SLC24A3: variants seen among roughly 807,000 people sequenced by gnomAD.
The protein encoded by SLC24A3 is sodium/potassium/calcium exchanger 3.
In SLC24A3, 28 loss-of-function variants were observed where a neutral mutation model predicts 75.8. That is an observed-to-expected ratio of 0.37 (90% CI 0.27 to 0.51). The LOEUF (loss-of-function observed/expected upper bound fraction) is 0.51, where lower values mean the gene tolerates loss of function less well. Ranked by LOEUF, SLC24A3 falls within the 20% of genes least tolerant of loss-of-function variation. The pLI is 0.94. For synonymous variants in SLC24A3, 372 were observed against 334.1 expected (o/e 1.11, Z -1.24); for missense variants, 663 against 847.8 (o/e 0.78, Z 2.71).
intron 4 of SLC24A3, among the ~76,000 whole-genome samples, chr20:19,580,917 C>T (rs767655437): frequency 2.0e-5 from 3 of 152,272 alleles, no homozygotes; most frequent in South Asian, 2.1e-4. Context: ...AGTACCTGAT[C>T]CAGTAGGTCT....
At chr20:19,372,368 A>T (rs1424899351) in intron 2 of SLC24A3, among the ~76,000 whole-genome samples, 2 of 152,224 alleles carry the variant, frequency 1.3e-5, no homozygotes, top group Admixed American at 1.3e-4. Context: ...GAAAGACAGG[A>T]ACATCCACAG....
intron 6 of SLC24A3, among the ~76,000 whole-genome samples, chr20:19,638,766 A>G (rs1253626768): frequency 6.6e-6 from 1 of 152,166 alleles, no homozygotes; most frequent in Non-Finnish European, 1.5e-5. Flanking sequence ...CTTGCTCTCA[A>G]TGACTTCAAG....
chr20:19,649,102 A>G (rs1262533817), intron 6 of SLC24A3, among the ~76,000 whole-genome samples: 1 of 152,222 alleles, frequency 6.6e-6, no homozygotes, highest in Non-Finnish European at 1.5e-5. Flanking sequence ...AGGGCTACAG[A>G]AGGTGACCTG....
At chr20:19,495,664 T>A (rs890628713) in intron 2 of SLC24A3, among the ~76,000 whole-genome samples, 1 of 152,252 alleles carries the variant, frequency 6.6e-6, no homozygotes, top group Non-Finnish European at 1.5e-5. Flanking sequence ...AAGACTTGAC[T>A]CCCTCGGCTG....
rs572976509 is a variant in SLC24A3, at chr20:19,244,573, C to T, written c.142+31589C>T. Reference sequence around the variant, plus strand: ...GAGCATGAAAGGCCTGTTGCTAGAGCGAGGTGAGGTGGGAGAAGGCAGCGG... The same window carrying T: ...GAGCATGAAAGGCCTGTTGCTAGAGTGAGGTGAGGTGGGAGAAGGCAGCGG... On this transcript the variant is annotated intron_variant, in intron 1 of 16. Transcript: ENST00000328041. Among the ~76,000 whole-genome samples, 5 of 152,108 alleles carry T rather than the reference C, an allele frequency of 3.3e-5. No homozygotes were observed. In the East Asian group the frequency reaches 5.8e-4, roughly 18 times the overall value.
At chr20:19,394,360 A>T (rs1986416262) in intron 2 of SLC24A3, among the ~76,000 whole-genome samples, 1 of 152,234 alleles carries the variant, frequency 6.6e-6, no homozygotes, top group African/African-American at 2.4e-5. Context: ...TCTAAATTGG[A>T]CTGCATCCAA....
At chr20:19,663,434 CGCCT>C (rs2122719316) in intron 7 of SLC24A3, among the ~76,000 whole-genome samples, 1 of 19,852 alleles carries the variant, frequency 5.0e-5, no homozygotes, top group Non-Finnish European at 9.2e-5. Context: ...CCTCCTCCTC[CGCCT>C]TCTCATCCTC....
At chr20:19,519,053 G>T (rs867753871) in intron 3 of SLC24A3, among the ~76,000 whole-genome samples, 58 of 152,192 alleles carry the variant, frequency 3.8e-4, no homozygotes, top group Admixed American at 9.2e-4. Flanking sequence ...AGAGGGCCAT[G>T]GGGCTGTCTT....
chr20:19,397,831 G>A (rs1986483745), intron 2 of SLC24A3, among the ~76,000 whole-genome samples: 1 of 151,986 alleles, frequency 6.6e-6, no homozygotes, highest in South Asian at 2.1e-4. Flanking sequence ...GTGAGAGTCT[G>A]AAGGAGGAGG....
chr20:19,622,677 C>G (rs531273346), intron 6 of SLC24A3, among the ~76,000 whole-genome samples: 17 of 152,270 alleles, frequency 1.1e-4, no homozygotes, highest in Non-Finnish European at 1.8e-4. Context: ...CTGGAGCATA[C>G]AGGTGAGTTC....
At position 19,472,114 on chromosome 20, in the gene SLC24A3, A is replaced by T. The variant is rs142660752; in HGVS notation, c.272-43374A>T. On this transcript the variant is annotated intron_variant, in intron 2 of 16. Coordinates refer to ENST00000328041, the MANE Select transcript of SLC24A3 (RefSeq NM_020689.4). ...GGTCCACGGATCCCTGGAAGGATCC[A>T]CTGGGGTGGGAGTTTAGGAACTTGG... Among the ~76,000 whole-genome samples, 705 of 152,348 alleles carry T rather than the reference A, an allele frequency of 4.6e-3. 4 individuals are homozygous for T. Among genetic ancestry groups the T allele is most frequent in the African/African-American group, 0.016 (652 of 41,588 alleles).
At chr20:19,452,376 ATG>A (rs34840970) in intron 2 of SLC24A3, among the ~76,000 whole-genome samples, 11,847 of 112,852 alleles carry the variant, frequency 0.1, 462 homozygotes, top group African/African-American at 0.11. Flanking sequence ...CCTGTGGGGG[ATG>A]TGTGTGTGTG....
At chr20:19,401,137 T>A (rs1193411351) in intron 2 of SLC24A3, among the ~76,000 whole-genome samples, 1 of 152,128 alleles carries the variant, frequency 6.6e-6, no homozygotes, top group Non-Finnish European at 1.5e-5. Context: ...GAGACAATGG[T>A]CCCAATTGCT....
chr20:19,226,629 G>A (rs1981878353), intron 1 of SLC24A3, among the ~76,000 whole-genome samples: 1 of 152,206 alleles, frequency 6.6e-6, no homozygotes, highest in South Asian at 2.1e-4. Flanking sequence ...GGCATTTAGT[G>A]TGGCCGAGGA....
At chr20:19,462,616 C>T (rs1000062566) in intron 2 of SLC24A3, among the ~76,000 whole-genome samples, 1 of 152,222 alleles carries the variant, frequency 6.6e-6, no homozygotes, top group African/African-American at 2.4e-5. Flanking sequence ...CCTCTGGTCA[C>T]GTGCTTGTGC....
chr20:19,420,836 C>T (rs545203913), intron 2 of SLC24A3, among the ~76,000 whole-genome samples: 1 of 49,476 alleles, frequency 2.0e-5, no homozygotes, highest in East Asian at 1.1e-3. Context: ...GTACTGGTAC[C>T]AAAACAGAGA....
chr20:19,427,275 G>A (rs73900110), intron 2 of SLC24A3, among the ~76,000 whole-genome samples: 2,184 of 152,208 alleles, frequency 0.014, 46 homozygotes, highest in African/African-American at 0.05. Context: ...AGCCATGATC[G>A]TGGATGAGAT....
intron 12 of SLC24A3, among the ~76,000 whole-genome samples, chr20:19,687,110 G>A (rs950259228): frequency 5.9e-5 from 9 of 152,194 alleles, no homozygotes; most frequent in African/African-American, 1.9e-4. Context: ...AAGTCCTGCT[G>A]GATTCTGTCT....
At chr20:19,587,799 G>A (rs938177035) in intron 6 of SLC24A3, among the ~76,000 whole-genome samples, 4 of 152,182 alleles carry the variant, frequency 2.6e-5, no homozygotes, top group African/African-American at 4.8e-5. Context: ...CTACTTCCTA[G>A]TGTTGCCATC....
Sources: allele counts gnomAD v4.1 joint callset (sites outside exome capture counted in the v4.1 genomes callset), GRCh38; gene constraint gnomAD v4.1.1; transcripts MANE v1.5; gene names NCBI Gene and HGNC (gene_info 2026-07-23, HGNC 2026-07-21).